The following MFN1 variants were observed in gnomAD, a reference collection of about 807,000 sequenced individuals.
MFN1 encodes mitofusin-1.
A neutral mutation model predicts 92.4 loss-of-function variants in MFN1; 65 were observed. That is an observed-to-expected ratio of 0.70 (90% CI 0.58 to 0.86). The LOEUF (loss-of-function observed/expected upper bound fraction) is 0.86, where lower values mean the gene tolerates loss of function less well. Among genes scored for constraint, MFN1 ranks in the 40% least tolerant of loss-of-function variants. The probability of loss-of-function intolerance (pLI) is 0.00; values close to 1 mark genes in which losing one functional copy is unlikely to be tolerated. For synonymous variants in MFN1, 297 were observed against 300.9 expected (o/e 0.99, Z 0.13); for missense variants, 781 against 868.0 (o/e 0.90, Z 1.26).
Position 179,362,466 on chromosome 3 carries a change from C to A in MFN1, c.520C>A (p.Leu174Met). ...AAAATGTGCCCTCTTGAGAGATGACCTGGTGTTAGTAGACAGGTAAAATTA... is the reference window on the plus strand; with the variant it reads ...AAAATGTGCCCTCTTGAGAGATGACATGGTGTTAGTAGACAGGTAAAATTA... ...KAKCALLRDD[L>M]VLVDSPGTDV... is the part of the protein sequence containing the mutation. The change falls in exon 5 of 18, where the codon CTG becomes ATG. Residue 174 changes from leucine to methionine, a missense_variant. Coordinates refer to ENST00000471841, the MANE Select transcript of MFN1 (RefSeq NM_033540.3). The A allele has an allele frequency of 6.2e-7, 1 of 1,613,518 alleles. No homozygotes were observed. Among genetic ancestry groups the A allele is most frequent in the Non-Finnish European group, 8.5e-7 (1 of 1,179,790 alleles).
intron 2 of MFN1, among the ~76,000 whole-genome samples, chr3:179,349,868 T>A (rs1427465533): frequency 6.6e-6 from 1 of 150,962 alleles, no homozygotes; most frequent in African/African-American, 2.4e-5. Context: ...TATGTACCTC[T>A]CGGCCAGGCG....
chr3:179,362,443 A>T lies in MFN1; in HGVS notation c.497A>T (p.Lys166Ile), dbSNP rs1333584146. The stretch of plus-strand genomic sequence containing the variant: ...GTACGTGTGTTTTGGCCAAAAGCAA[A>T]ATGTGCCCTCTTGAGAGATGACCTG... ...CLVRVFWPKAKCALLRDDLVL... is the reference protein window; with the variant it reads ...CLVRVFWPKAICALLRDDLVL... The change falls in exon 5 of 18, where the codon AAA becomes ATA. Residue 166 changes from lysine to isoleucine, a missense_variant. Transcript: ENST00000471841. 6.2e-7 allele frequency: 1 copy of T among 1,613,954 alleles called. No individual in the cohort carries two copies.
intron 14 of MFN1, among the ~76,000 whole-genome samples, chr3:179,380,265 A>G (rs1302819820): frequency 6.6e-6 from 1 of 152,210 alleles, no homozygotes; most frequent in Non-Finnish European, 1.5e-5. Flanking sequence ...CTGTTTTGCC[A>G]TTATTGACCC....
chr3:179,380,670 A>G (rs1417058085), intron 14 of MFN1, among the ~76,000 whole-genome samples: 3 of 152,240 alleles, frequency 2.0e-5, no homozygotes, highest in African/African-American at 7.2e-5. Flanking sequence ...GTATTCTACG[A>G]TCAATGAAGA....
At chr3:179,391,221 G>T (rs987011312) in intron 17 of MFN1, among the ~76,000 whole-genome samples, 2 of 152,010 alleles carry the variant, frequency 1.3e-5, no homozygotes, top group East Asian at 3.8e-4. Flanking sequence ...TTTTTAAATA[G>T]TATTTCATTT....
chr3:179,380,647 C>G (rs867398108), intron 14 of MFN1, among the ~76,000 whole-genome samples: 24 of 152,198 alleles, frequency 1.6e-4, no homozygotes, highest in African/African-American at 5.1e-4. Context: ...ATTATTTCAA[C>G]CTTGTGACCA....
intron 3 of MFN1, among the ~76,000 whole-genome samples, chr3:179,353,220 A>AT (rs34658521): frequency 0.18 from 23,693 of 130,784 alleles, 2,541 homozygotes; most frequent in Admixed American, 0.24. Flanking sequence ...CACCTGGCTA[A>AT]TTTTTTTTTT....
At chr3:179,361,401 G>A (rs1194989598) in intron 4 of MFN1, among the ~76,000 whole-genome samples, 3 of 152,176 alleles carry the variant, frequency 2.0e-5, no homozygotes, top group East Asian at 3.9e-4. Flanking sequence ...CTTCAACTGA[G>A]CCCGTCACCC....
chr3:179,351,777 A>G, intron 2 of MFN1, 123 bp from the exon 3 acceptor site: 2 of 859,096 alleles, frequency 2.3e-6, no homozygotes, highest in South Asian at 2.6e-5. Flanking sequence ...TTTACCAAAC[A>G]TTGAGATGCT....
chr3:179,387,404 G>A (rs531795256), intron 16 of MFN1, among the ~76,000 whole-genome samples: 5 of 151,872 alleles, frequency 3.3e-5, no homozygotes, highest in Non-Finnish European at 2.9e-5. Context: ...AAATTAGCCG[G>A]GCATGGTAGC....
chr3:179,374,159 C>G (rs1713129924), intron 9 of MFN1, among the ~76,000 whole-genome samples: 1 of 150,986 alleles, frequency 6.6e-6, no homozygotes, highest in Admixed American at 6.6e-5. Flanking sequence ...AAAAATTAGC[C>G]AGGCATAGTG....
rs1276916672 is a variant in MFN1 at position 179,394,344 on chromosome 3, T to A, written c.*2285T>A. On this transcript the variant is annotated 3_prime_UTR_variant, in exon 18 of 18. Coordinates refer to ENST00000471841, the MANE Select transcript of MFN1 (RefSeq NM_033540.3). ...TTTTTCATCACTTGTTTTATGTAGT[T>A]GTCTGATCAATTGTGAAAACATAAT... The A allele has an allele frequency of 6.6e-6, 1 of 152,074 alleles. No individual in the cohort carries two copies. The highest frequency in any genetic ancestry group is 1.9e-4 in the East Asian group (1 of 5,202). The allele number at this position is 152,074 out of a possible 1,614,324, so 9.4% of individuals were successfully genotyped here.
intron 7 of MFN1, 45 bp from the exon 8 acceptor site, chr3:179,367,393 AT>A (rs1183639894): frequency 1.3e-6 from 2 of 1,544,416 alleles, no homozygotes; most frequent in Non-Finnish European, 1.8e-6. Context: ...TGGTTATTAT[AT>A]TTGTTTAAAT....
At chr3:179,348,777 G>C (rs1245330506) in intron 1 of MFN1, 68 bp from the exon 2 acceptor site, 23 of 1,561,808 alleles carry the variant, frequency 1.5e-5, no homozygotes, top group Non-Finnish European at 2.0e-5. Context: ...AATGTCACTG[G>C]TGTGTCATCA....
At chr3:179,351,385 C>T (rs1431257204) in intron 2 of MFN1, among the ~76,000 whole-genome samples, 4 of 152,250 alleles carry the variant, frequency 2.6e-5, no homozygotes, top group East Asian at 3.9e-4. Context: ...TCTTCTCTGT[C>T]TTTGTGTTAA....
chr3:179,377,077 A>G lies in MFN1; in HGVS notation c.1133A>G (p.Asp378Gly). 4.3e-6 allele frequency: 7 copies of G among 1,613,804 alleles called. No homozygotes were observed. The highest frequency in any genetic ancestry group is 5.9e-6 in the Non-Finnish European group (7 of 1,179,802). The change falls in exon 11 of 18, where the codon GAT becomes GGT. Residue 378 changes from aspartate to glycine, a missense_variant. By Grantham distance (94) the Asp-to-Gly change is moderately conservative. Transcript: ENST00000471841. ...YSVEEREDQI[D>G]RLDFIRNQMN... is the part of the protein sequence containing the mutation. ...GTGGAAGAGAGGGAAGACCAAATTG[A>G]TAGACTGGACTTTATTCGAAACCAG...
In MFN1 at chr3:179,383,379, A is replaced by C. The variant is rs376515156; in HGVS notation, c.1663-2190A>C. On this transcript the variant is annotated intron_variant, in intron 14 of 17. Transcript: ENST00000471841. ...GGTTTGTCAAAGATCAGATAGTTGTAGATGTGTGGTATTATTTCTGAGGGC... is the reference window on the plus strand; with the variant it reads ...GGTTTGTCAAAGATCAGATAGTTGTCGATGTGTGGTATTATTTCTGAGGGC... Among the ~76,000 whole-genome samples, 955 of 152,208 alleles carry C rather than the reference A, an allele frequency of 6.3e-3. 11 individuals are homozygous for C. Among genetic ancestry groups the C allele is most frequent in the African/African-American group, 0.022 (907 of 41,512 alleles).
chr3:179,385,165 G>T (rs1351225614), intron 14 of MFN1, among the ~76,000 whole-genome samples: 3 of 150,904 alleles, frequency 2.0e-5, no homozygotes, highest in Non-Finnish European at 3.0e-5. Flanking sequence ...CATCCACCTC[G>T]GCCTCCCAAA....
intron 14 of MFN1, among the ~76,000 whole-genome samples, chr3:179,381,577 G>T (rs1713468650): frequency 6.6e-6 from 1 of 152,206 alleles, no homozygotes; most frequent in South Asian, 2.1e-4. Context: ...GTGAATCCGT[G>T]TAAGAAAATG....
Sources: allele counts gnomAD v4.1 joint callset (sites outside exome capture counted in the v4.1 genomes callset), GRCh38; gene constraint gnomAD v4.1.1; transcripts MANE v1.5; gene names NCBI Gene and HGNC (gene_info 2026-07-23, HGNC 2026-07-21).